The following PPDPFL variants were observed in gnomAD, a reference collection of about 807,000 sequenced individuals.
The protein encoded by PPDPFL is pancreatic progenitor cell differentiation and proliferation factor-like protein.
PPDPFL carries 12 observed loss-of-function variants against 12.6 expected under a neutral mutation model. The observed-to-expected ratio is 0.95, with a 90% CI of 0.61 to 1.54. The LOEUF is 1.54. PPDPFL is among the 40% of genes most tolerant of loss of function. The probability of loss-of-function intolerance (pLI) is 0.00; values close to 1 mark genes in which losing one functional copy is unlikely to be tolerated. For missense variants in PPDPFL, 114 were observed against 96.0 expected (o/e 1.19, Z -0.78); for synonymous variants, 24 against 32.7 (o/e 0.73, Z 0.91).
At position 49,074,108 on chromosome 8, in the gene PPDPFL, C is replaced by T. The variant is rs1808444514; in HGVS notation, c.105C>T (p.Asn35=). 1 of 1,612,966 alleles carries T rather than the reference C, an allele frequency of 6.2e-7. No individual in the cohort carries two copies. The highest frequency in any genetic ancestry group is 8.5e-7 in the Non-Finnish European group (1 of 1,179,124). The stretch of plus-strand genomic sequence containing the variant: ...CTTTAACTAGCTCTGATTCTGTTAA[C>T]TTCATAGATGACGACAAACCACAGC... ...VSSLTSSDSV[N]FIDDDKPQQG... Residue 35 remains asparagine (N), a synonymous_variant, in exon 3 of 5, where the codon AAC becomes AAT. Coordinates refer to ENST00000522267, the MANE Select transcript of PPDPFL (RefSeq NM_001256597.2).
chr8:49,074,749 G>A, intron 4 of PPDPFL: 1 of 1,442,976 alleles, frequency 6.9e-7, no homozygotes. Context: ...CAAATTACTA[G>A]ACAGGTTGAA....
chr8:49,054,559 T>G (rs1479148336), intron 1 of PPDPFL, among the ~76,000 whole-genome samples: 2 of 152,084 alleles, frequency 1.3e-5, no homozygotes, highest in Non-Finnish European at 2.9e-5. Context: ...GGAGTCAAAG[T>G]TGTATGTGGA....
chr8:49,072,824 T>C lies in PPDPFL; in HGVS notation c.-7T>C, dbSNP rs1808416281. On this transcript the variant is annotated 5_prime_UTR_variant, in exon 2 of 5. An upstream open reading frame in the 5' UTR loses its in-frame stop. Coordinates refer to ENST00000522267, the MANE Select transcript of PPDPFL (RefSeq NM_001256597.2). The stretch of plus-strand genomic sequence containing the variant: ...AGCTTCTTGGGTGCTTTCTCACGGG[T>C]AAAGCCATGGCATCCGTACCTTCCA... 3 of 1,600,082 alleles carry C rather than the reference T, an allele frequency of 1.9e-6. No individual in the cohort carries two copies. The highest frequency in any genetic ancestry group is 8.5e-7 in the Non-Finnish European group (1 of 1,175,156).
Position 49,075,261 on chromosome 8 carries a change from G to A in PPDPFL, c.*88G>A. The A allele has an allele frequency of 6.2e-7, 1 of 1,613,920 alleles. No individual in the cohort carries two copies. The highest frequency in any genetic ancestry group is 8.5e-7 in the Non-Finnish European group (1 of 1,179,850). On this transcript the variant is annotated 3_prime_UTR_variant, in exon 5 of 5. Coordinates refer to ENST00000522267, the MANE Select transcript of PPDPFL (RefSeq NM_001256597.2). ...ATGAACAGTTGATTCTGACAATCAAGATCCTCTGCCTGCTGCAGTGGTCCA... is the reference window on the plus strand; with the variant it reads ...ATGAACAGTTGATTCTGACAATCAAAATCCTCTGCCTGCTGCAGTGGTCCA...
chr8:49,068,656 T>C (rs550334677), upstream of PPDPFL, among the ~76,000 whole-genome samples: 1 of 152,282 alleles, frequency 6.6e-6, no homozygotes, highest in East Asian at 1.9e-4. Flanking sequence ...TTTGTGTGTG[T>C]GTATACATAC....
intron 1 of PPDPFL, among the ~76,000 whole-genome samples, chr8:49,066,104 A>G (rs1808295966): frequency 6.6e-6 from 1 of 152,240 alleles, no homozygotes; most frequent in South Asian, 2.1e-4. Flanking sequence ...TTGAAGATAA[A>G]CAACGCATTT....
chr8:49,056,861 T>C (rs1487439441), intron 1 of PPDPFL, among the ~76,000 whole-genome samples: 1 of 152,200 alleles, frequency 6.6e-6, no homozygotes, highest in African/African-American at 2.4e-5. Context: ...AAATAAAAAT[T>C]GCAGTAGGGT....
intron 1 of PPDPFL, among the ~76,000 whole-genome samples, chr8:49,063,781 A>G (rs186831623): frequency 6.6e-6 from 1 of 152,292 alleles, no homozygotes; most frequent in Admixed American, 6.5e-5. Flanking sequence ...CCAGGCCCCT[A>G]CAAAAACCAG....
intron 1 of PPDPFL, among the ~76,000 whole-genome samples, chr8:49,066,021 G>T (rs1016223763): frequency 6.6e-6 from 1 of 152,206 alleles, no homozygotes; most frequent in Admixed American, 6.5e-5. Context: ...GATGGTTTCA[G>T]TTAGTAACAT....
intron 1 of PPDPFL, among the ~76,000 whole-genome samples, chr8:49,054,806 T>C (rs1171491696): frequency 6.6e-6 from 1 of 152,170 alleles, no homozygotes; most frequent in Admixed American, 6.5e-5. Flanking sequence ...GACAAGGAAA[T>C]TTGAAACAGC....
intron 2 of PPDPFL, among the ~76,000 whole-genome samples, chr8:49,073,451 G>T (rs1435618756): frequency 6.6e-6 from 1 of 152,068 alleles, no homozygotes; most frequent in African/African-American, 2.4e-5. Context: ...AAGTATCTAT[G>T]GCAACAACAC....
intron 1 of PPDPFL, among the ~76,000 whole-genome samples, chr8:49,064,705 G>C (rs1044513990): frequency 1.3e-5 from 2 of 152,278 alleles, no homozygotes; most frequent in Admixed American, 1.3e-4. Context: ...CCAGGGAACA[G>C]AGCCTGAGTT....
At chr8:49,060,502 A>T (rs561309899) in intron 1 of PPDPFL, among the ~76,000 whole-genome samples, 3 of 151,960 alleles carry the variant, frequency 2.0e-5, no homozygotes, top group African/African-American at 7.3e-5. Context: ...TAGTAGAGAC[A>T]GGGTTTCTCC....
chr8:49,069,399 C>T (rs150011751), upstream of PPDPFL, among the ~76,000 whole-genome samples: 2 of 152,278 alleles, frequency 1.3e-5, no homozygotes, highest in Admixed American at 1.3e-4. Context: ...CCATAGACTA[C>T]TTCAAAAATG....
At chr8:49,056,199 C>G (rs146670128) in intron 1 of PPDPFL, among the ~76,000 whole-genome samples, 2 of 152,242 alleles carry the variant, frequency 1.3e-5, no homozygotes, top group East Asian at 3.9e-4. Context: ...CTATCAGCCT[C>G]CTCCCTCTCC....
chr8:49,065,742 A>C (rs1808288238), intron 1 of PPDPFL, among the ~76,000 whole-genome samples: 1 of 152,318 alleles, frequency 6.6e-6, no homozygotes, highest in East Asian at 1.9e-4. Context: ...AGCAGAGCAA[A>C]AGATTTGTGT....
chr8:49,055,038 G>A (rs1259956829), intron 1 of PPDPFL, among the ~76,000 whole-genome samples: 1 of 152,136 alleles, frequency 6.6e-6, no homozygotes, highest in Non-Finnish European at 1.5e-5. Flanking sequence ...AGCTCAATAT[G>A]TTTGAAACTG....
At chr8:49,073,304 T>A (rs536662229) in intron 2 of PPDPFL, among the ~76,000 whole-genome samples, 1 of 152,344 alleles carries the variant, frequency 6.6e-6, no homozygotes, top group South Asian at 2.1e-4. Flanking sequence ...CCAACTTCTA[T>A]CTGGCCAGTT....
intron 1 of PPDPFL, among the ~76,000 whole-genome samples, chr8:49,056,645 C>T (rs527537734): frequency 8.5e-5 from 13 of 152,220 alleles, no homozygotes; most frequent in Admixed American, 4.6e-4. Context: ...AGATATCCAA[C>T]GGGCATTGAG....
Sources: allele counts gnomAD v4.1 joint callset (sites outside exome capture counted in the v4.1 genomes callset), GRCh38; gene constraint gnomAD v4.1.1; transcripts MANE v1.5; gene names NCBI Gene and HGNC (gene_info 2026-07-23, HGNC 2026-07-21).